Variants in PHACTR2 observed in about 807,000 individuals in gnomAD.
The protein encoded by PHACTR2 is phosphatase and actin regulator 2.
A neutral mutation model predicts 76.0 loss-of-function variants in PHACTR2; 30 were observed. The observed-to-expected ratio is 0.39, with a 90% CI of 0.30 to 0.54. The LOEUF is 0.54. Among genes scored for constraint, PHACTR2 ranks in the 20% least tolerant of loss-of-function variants. The pLI, the probability that PHACTR2 is intolerant of heterozygous loss-of-function variation, is 0.61. For missense variants in PHACTR2, 696 were observed against 781.1 expected (o/e 0.89, Z 1.30); for synonymous variants, 292 against 292.5 (o/e 1.00, Z 0.02).
Position 143,784,204 on chromosome 6 carries a change from T to A in PHACTR2, c.1707+924T>A, listed in dbSNP as rs1775498752. 6.6e-6 allele frequency among the ~76,000 whole-genome samples: 1 copy of A among 152,214 alleles called. No individual in the cohort carries two copies. The highest frequency in any genetic ancestry group is 2.1e-4 in the South Asian group (1 of 4,834). ...ACATCACAGCTGGGTAAGTAATTTA[T>A]TAAGTGAACTTGATCATCCAGCCTG... On this transcript the variant is annotated intron_variant, in intron 10 of 12. Coordinates refer to ENST00000440869, the MANE Select transcript of PHACTR2 (RefSeq NM_001100164.2). The surrounding 1 kb of genome is among the most constrained non-coding windows in gnomAD (Gnocchi z 4.5).
At chr6:143,572,120 CA>C (rs1775452624) in intron 1 of PHACTR2, among the ~76,000 whole-genome samples, 1 of 152,222 alleles carries the variant, frequency 6.6e-6, no homozygotes. Flanking sequence ...TAGGTAACTA[CA>C]GGTCCAATAT....
rs893296682 is a variant in PHACTR2, at chr6:143,821,000, G to A, written c.1923-2674G>A. Among the ~76,000 whole-genome samples the A allele has an allele frequency of 2.6e-5, 4 of 152,260 alleles. No homozygotes were observed. The highest frequency in any genetic ancestry group is 6.5e-5 in the Admixed American group (1 of 15,288). On this transcript the variant is annotated intron_variant, in intron 12 of 12. Transcript: ENST00000440869. The surrounding 1 kb of genome is among the most constrained non-coding windows in gnomAD (Gnocchi z 4.2). ...CTTGCACCCTCTGAAGCAGAAGCCT[G>A]AGCTGTATCTGGGGCCCTTTGCGCC...
At chr6:143,723,265 C>T (rs1223306432) in intron 2 of PHACTR2, among the ~76,000 whole-genome samples, 2 of 152,204 alleles carry the variant, frequency 1.3e-5, no homozygotes, top group African/African-American at 4.8e-5. Flanking sequence ...TCTCACCTTC[C>T]ACGCCTTCCT....
chr6:143,548,561 G>T lies in PHACTR2; in HGVS notation c.217+11354G>T, dbSNP rs1430023515. 1.3e-5 allele frequency among the ~76,000 whole-genome samples: 2 copies of T among 152,038 alleles called. No homozygotes were observed. Among genetic ancestry groups the T allele is most frequent in the African/African-American group, 4.8e-5 (2 of 41,404 alleles). ...AATTCCACACACCAGCCTGGGCCAG[G>T]TAGCCATTCCTGACACCAGCTATAT... On this transcript the variant is annotated intron_variant, in intron 1 of 11. Transcript: ENST00000367584. The surrounding 1 kb of genome is among the most constrained non-coding windows in gnomAD (Gnocchi z 4.5).
rs1028897616 is a variant in PHACTR2, at chr6:143,646,087, T to A, written c.13+37765T>A. Among the ~76,000 whole-genome samples, 30 of 152,204 alleles carry A rather than the reference T, an allele frequency of 2.0e-4. No homozygotes were observed. The highest frequency in any genetic ancestry group is 3.6e-4 in the African/African-American group (15 of 41,454). On this transcript the variant is annotated intron_variant, in intron 1 of 11. Coordinates refer to the PHACTR2 transcript ENST00000305766. This position sits in a 1 kb window ranked among gnomAD's most constrained non-coding sequence, Gnocchi z 4.1. The stretch of plus-strand genomic sequence containing the variant: ...GTCAGAAACAATAGAATACTTTTTT[T>A]AATATTTTACATCAAAATGTATATT...
intron 12 of PHACTR2, among the ~76,000 whole-genome samples, chr6:143,808,863 C>A (rs1019586744): frequency 3.3e-5 from 5 of 152,152 alleles, no homozygotes; most frequent in African/African-American, 1.2e-4. Context: ...ACATTTTTGT[C>A]CCCCTCTTTT....
rs1436248163 is a variant in PHACTR2, at chr6:143,585,591, A to G, written c.217+48384A>G. On this transcript the variant is annotated intron_variant, in intron 1 of 11. Coordinates refer to the PHACTR2 transcript ENST00000367584. The surrounding 1 kb of genome is among the most constrained non-coding windows in gnomAD (Gnocchi z 5.2). ...GAACATACTGGAGTCTGATGGTGTC[A>G]TCTTGGGAACACTGTGTTCTGAAAA... Among the ~76,000 whole-genome samples, 1 of 152,124 alleles carries G rather than the reference A, an allele frequency of 6.6e-6. No individual in the cohort carries two copies. The highest frequency in any genetic ancestry group is 2.4e-5 in the African/African-American group (1 of 41,442).
In PHACTR2 at chr6:143,658,886, A is replaced by G. The variant is rs1429193187; in HGVS notation, c.13+50564A>G. Among the ~76,000 whole-genome samples, 1 of 152,016 alleles carries G rather than the reference A, an allele frequency of 6.6e-6. No individual in the cohort carries two copies. Among genetic ancestry groups the G allele is most frequent in the Non-Finnish European group, 1.5e-5 (1 of 67,970 alleles). On this transcript the variant is annotated intron_variant, in intron 1 of 11. Coordinates refer to the PHACTR2 transcript ENST00000305766. The surrounding 1 kb of genome is among the most constrained non-coding windows in gnomAD (Gnocchi z 4.1). ...CTAAAAATACAAAACTTAGCCGGTC[A>G]GGGTGGCATGCGCCTATAATCTCAG...
intron 2 of PHACTR2, among the ~76,000 whole-genome samples, chr6:143,741,281 G>GCAGGAGAATGAGT (rs71024874): frequency 0.48 from 72,258 of 149,026 alleles, 17,138 homozygotes; most frequent in South Asian, 0.56. Flanking sequence ...GAAGGCTGAG[G>GCAGGAGAATGAGT]CAGGAGTTCA....
rs1776522700 is a variant in PHACTR2, at chr6:143,825,989, T to C, written c.*2300T>C. The C allele has an allele frequency of 6.6e-6, 1 of 152,020 alleles. No individual in the cohort carries two copies. Among genetic ancestry groups the C allele is most frequent in the African/African-American group, 2.4e-5 (1 of 41,378 alleles). The allele number at this position is 152,020 out of a possible 1,614,324, so 9.4% of individuals were successfully genotyped here. On this transcript the variant is annotated 3_prime_UTR_variant, in exon 13 of 13. Coordinates refer to ENST00000440869, the MANE Select transcript of PHACTR2 (RefSeq NM_001100164.2). The surrounding 1 kb of genome is among the most constrained non-coding windows in gnomAD (Gnocchi z 4.1). ...ATAGGTCAGATTTATTAACTACTCA[T>C]ACTTTTTCTTTACACTAATCGATAC...
intron 2 of PHACTR2, among the ~76,000 whole-genome samples, chr6:143,736,602 C>A (rs1425992582): frequency 1.0e-5 from 1 of 96,404 alleles, no homozygotes; most frequent in Non-Finnish European, 1.8e-5. Context: ...TGAGACGGAG[C>A]CTTGCTCTGT....
chr6:143,779,666 C>T (rs1397154170), intron 9 of PHACTR2, among the ~76,000 whole-genome samples: 7 of 151,996 alleles, frequency 4.6e-5, no homozygotes, highest in Admixed American at 6.6e-5. Flanking sequence ...GGCATCTTTT[C>T]TGGCAAACTA....
intron 1 of PHACTR2, among the ~76,000 whole-genome samples, chr6:143,686,632 C>T (rs569313749): frequency 7.5e-4 from 114 of 151,912 alleles, no homozygotes; most frequent in African/African-American, 2.7e-3. Context: ...GAATTACAGG[C>T]GTGAGCCACC....
intron 2 of PHACTR2, among the ~76,000 whole-genome samples, chr6:143,740,776 AAGC>A (rs1645086847): frequency 6.6e-6 from 1 of 152,318 alleles, no homozygotes; most frequent in Middle Eastern, 3.4e-3. Context: ...AAAAATCAGA[AAGC>A]AGCGTACCTC....
intron 1 of PHACTR2, among the ~76,000 whole-genome samples, chr6:143,590,995 C>T (rs1340654236): frequency 6.6e-6 from 1 of 152,166 alleles, no homozygotes; most frequent in East Asian, 1.9e-4. Context: ...ACGTGTATAT[C>T]CTACCAACAG....
At chr6:143,736,478 A>G (rs577214812) in intron 2 of PHACTR2, among the ~76,000 whole-genome samples, 232 of 150,316 alleles carry the variant, frequency 1.5e-3, no homozygotes, top group Non-Finnish European at 3.1e-3. Flanking sequence ...ATGCAAATGT[A>G]TACAGGAGAA....
chr6:143,584,980 T>TAAA (rs34747367), intron 1 of PHACTR2, among the ~76,000 whole-genome samples: 2 of 138,520 alleles, frequency 1.4e-5, no homozygotes, highest in Admixed American at 7.4e-5. Flanking sequence ...CTACCCAGAT[T>TAAA]AAAAAAAAAA....
rs1451667741 is a variant in PHACTR2, at chr6:143,784,874, A to G, written c.1707+1594A>G. 2.6e-5 allele frequency among the ~76,000 whole-genome samples: 4 copies of G among 152,154 alleles called. No homozygotes were observed. The highest frequency in any genetic ancestry group is 9.7e-5 in the African/African-American group (4 of 41,438). On this transcript the variant is annotated intron_variant, in intron 10 of 12. Coordinates refer to ENST00000440869, the MANE Select transcript of PHACTR2 (RefSeq NM_001100164.2). The surrounding 1 kb of genome is among the most constrained non-coding windows in gnomAD (Gnocchi z 4.5). ...ACTTTTTGACTATCACAAGAATAGA[A>G]TGGGAAAGACCGAGCCCCATGATTC...
In PHACTR2 at chr6:143,646,303, C is replaced by T. The variant is rs1776658929; in HGVS notation, c.13+37981C>T. ...TATTTTTAAACTGAAAAACTCTATC[C>T]CACTTTAAAACTCCTAAATAGAACA... On this transcript the variant is annotated intron_variant, in intron 1 of 11. Coordinates refer to the PHACTR2 transcript ENST00000305766. The surrounding 1 kb of genome is among the most constrained non-coding windows in gnomAD (Gnocchi z 4.1). Among the ~76,000 whole-genome samples the T allele has an allele frequency of 2.0e-5, 3 of 152,022 alleles. No homozygotes were observed. Among genetic ancestry groups the T allele is most frequent in the Admixed American group, 6.6e-5 (1 of 15,258 alleles).
Sources: gnomAD v4.1 joint callset for allele counts (sites outside exome capture counted in the v4.1 genomes callset) on GRCh38, gnomAD v4.1.1 for gene constraint, Gnocchi (gnomAD v3.1) non-coding constraint, MANE v1.5 for transcripts, NCBI Gene and HGNC (gene_info 2026-07-23, HGNC 2026-07-21) for gene names.